Variants in IL15RA observed in about 807,000 individuals in gnomAD.
The protein encoded by IL15RA is interleukin 15 receptor subunit alpha.
In IL15RA, 26 loss-of-function variants were observed where a neutral mutation model predicts 24.2. The observed-to-expected ratio is 1.07, with a 90% CI of 0.79 to 1.49. The LOEUF (loss-of-function observed/expected upper bound fraction) is 1.49. Ranked by LOEUF, IL15RA falls within the 40% of genes most tolerant of loss-of-function variation. The pLI is 0.00. For synonymous variants in IL15RA, 166 were observed against 157.6 expected (o/e 1.05, Z -0.40); for missense variants, 354 against 356.4 (o/e 0.99, Z 0.05).
chr10:5,963,593 G>A lies in IL15RA; in HGVS notation c.382+150C>T, dbSNP rs112939742. 5.8e-5 allele frequency: 27 copies of A among 467,676 alleles called. No individual in the cohort carries two copies. In the East Asian group the frequency reaches 6.7e-4, roughly 12 times the overall value. The allele number at this position is 467,676 out of a possible 1,614,324, so 29.0% of individuals were successfully genotyped here. A position where few individuals can be genotyped will look rare whatever the true frequency, so the allele number is the denominator to read the frequency against. On this transcript the variant is annotated intron_variant, in intron 3 of 6. Transcript: ENST00000379977. This position sits in a 1 kb window ranked among gnomAD's most constrained non-coding sequence, Gnocchi z 5.3. ...TTTGAAAAAGAAAATTAAGTTGGACGTTCTTATTCTTGATTGAATAAGACG... is the reference window on the plus strand; with the variant it reads ...TTTGAAAAAGAAAATTAAGTTGGACATTCTTATTCTTGATTGAATAAGACG...
chr10:5,958,753 C>T lies in IL15RA; in HGVS notation c.616+1001G>A, dbSNP rs1834968601. Among the ~76,000 whole-genome samples the T allele has an allele frequency of 6.6e-6, 1 of 152,150 alleles. No homozygotes were observed. Among genetic ancestry groups the T allele is most frequent in the South Asian group, 2.1e-4 (1 of 4,828 alleles). ...TGTCCAAAGTCACTTGATGTTTTCC[C>T]AGATGACGTTTGATGCAGGTAAAAA... On this transcript the variant is annotated intron_variant, in intron 5 of 6. Coordinates refer to ENST00000379977, the MANE Select transcript of IL15RA (RefSeq NM_002189.4). The surrounding 1 kb of genome is among the most constrained non-coding windows in gnomAD (Gnocchi z 4.3).
intron 6 of IL15RA, 54 bp downstream of exon 6, chr10:5,956,325 C>A: frequency 6.8e-7 from 1 of 1,465,248 alleles, no homozygotes; most frequent in Non-Finnish European, 9.6e-7. Context: ...AGGTGCAGCT[C>A]TTTTCTCATG....
rs1187129395 is a variant in IL15RA, at chr10:5,963,704, A to G, written c.382+39T>C. On this transcript the variant is annotated intron_variant, in intron 3 of 6. Coordinates refer to ENST00000379977, the MANE Select transcript of IL15RA (RefSeq NM_002189.4). The surrounding 1 kb of genome is among the most constrained non-coding windows in gnomAD (Gnocchi z 5.3). ...GGTGAGCGGGCCTCTGGGTGTTGGG[A>G]GGGAATGAATGTCCTCGAGAAGTTT... 7 of 1,334,230 alleles carry G rather than the reference A, an allele frequency of 5.2e-6. No homozygotes were observed. The East Asian group carries it at 1.7e-4, about 32-fold the overall frequency. The allele number at this position is 1,334,230 out of a possible 1,614,324, so 82.6% of individuals were successfully genotyped here. A position where few individuals can be genotyped will look rare whatever the true frequency, so the allele number is the denominator to read the frequency against.
downstream of IL15RA, among the ~76,000 whole-genome samples, chr10:5,951,462 T>C (rs1589144040): frequency 6.6e-6 from 1 of 152,214 alleles, no homozygotes; most frequent in African/African-American, 2.4e-5. Flanking sequence ...CAAGGGGCAG[T>C]TGGTGGCTGG....
At chr10:5,969,724 T>C (rs1310219833) in intron 1 of IL15RA, among the ~76,000 whole-genome samples, 1 of 152,228 alleles carries the variant, frequency 6.6e-6, no homozygotes, top group Non-Finnish European at 1.5e-5. Flanking sequence ...AAATTTTGAT[T>C]GGAATTCATT....
rs1837290576 is a variant in IL15RA, at chr10:5,969,796, C to A, written c.89-3457G>T. ...TAATAATATTGAGTCTTCTTAAAAA[C>A]CCATCAACACGGTATCTCTCTTGAT... is the stretch of plus-strand genomic sequence containing the variant. On this transcript the variant is annotated intron_variant, in intron 1 of 6. Coordinates refer to ENST00000379977, the MANE Select transcript of IL15RA (RefSeq NM_002189.4). 2.0e-5 allele frequency among the ~76,000 whole-genome samples: 3 copies of A among 152,196 alleles called. No homozygotes were observed. In the South Asian group the frequency reaches 6.2e-4, roughly 32 times the overall value.
At position 5,955,480 on chromosome 10, in the gene IL15RA, G is replaced by T. The variant is rs561912246; in HGVS notation, c.692+899C>A. ...TTAATAGTAACTAAAAGTTTAGTTT[G>T]GACAAATCTGATATCCGTATCAGTA... is the stretch of plus-strand genomic sequence containing the variant. On this transcript the variant is annotated intron_variant, in intron 6 of 6. Coordinates refer to ENST00000379977, the MANE Select transcript of IL15RA (RefSeq NM_002189.4). The surrounding 1 kb of genome is among the most constrained non-coding windows in gnomAD (Gnocchi z 5.3). 2.6e-5 allele frequency among the ~76,000 whole-genome samples: 4 copies of T among 152,170 alleles called. No individual in the cohort carries two copies. Among genetic ancestry groups the T allele is most frequent in the African/African-American group, 9.6e-5 (4 of 41,540 alleles).
rs1353262028 is a variant in IL15RA at position 5,962,591 on chromosome 10, C to CAA, written c.382+1150_382+1151dup. On this transcript the variant is annotated intron_variant, in intron 3 of 6. Coordinates refer to ENST00000379977, the MANE Select transcript of IL15RA (RefSeq NM_002189.4). The surrounding 1 kb of genome is among the most constrained non-coding windows in gnomAD (Gnocchi z 5.2). ...TGGGCAATAGAGCAAGACCCCATCT[C>CAA]AAAAAAAAAAAAAAAAAAGATCCAC... 0.05 allele frequency among the ~76,000 whole-genome samples: 5,483 copies of CAA among 108,864 alleles called. 138 individuals are homozygous for CAA. Among genetic ancestry groups the CAA allele is most frequent in the Middle Eastern group, 0.088 (18 of 204 alleles). The allele number at this position is 108,864 out of a possible 152,430, so 71.4% of individuals were successfully genotyped here. A position where few individuals can be genotyped will look rare whatever the true frequency, so the allele number is the denominator to read the frequency against.
chr10:5,950,437 C>T (rs1833787405), downstream of IL15RA, among the ~76,000 whole-genome samples: 1 of 152,198 alleles, frequency 6.6e-6, no homozygotes, highest in Non-Finnish European at 1.5e-5. This position sits in a 1 kb window ranked among gnomAD's most constrained non-coding sequence, Gnocchi z 5.6. Flanking sequence ...CTCTTCCCAG[C>T]ACCTGGCAGA....
At chr10:5,976,754 C>G (rs887137017) in intron 1 of IL15RA, among the ~76,000 whole-genome samples, 1 of 152,102 alleles carries the variant, frequency 6.6e-6, no homozygotes, top group African/African-American at 2.4e-5. Context: ...TCTCTTCCCC[C>G]TTTTTCTGCG....
chr10:5,961,535 C>T lies in IL15RA; in HGVS notation c.383-968G>A, dbSNP rs1315263195. 2.6e-5 allele frequency among the ~76,000 whole-genome samples: 4 copies of T among 152,256 alleles called. No individual in the cohort carries two copies. The highest frequency in any genetic ancestry group is 7.2e-5 in the African/African-American group (3 of 41,478). The stretch of plus-strand genomic sequence containing the variant: ...CAGGTGAAGCTGCGCTGGCCGAGGA[C>T]GCTCGGAGCGGCTGCGTGTGAAACA... On this transcript the variant is annotated intron_variant, in intron 3 of 6. Transcript: ENST00000379977. This position sits in a 1 kb window ranked among gnomAD's most constrained non-coding sequence, Gnocchi z 5.2.
At chr10:5,949,007 G>A (rs1055468666), downstream of IL15RA, 1 of 330,182 alleles carries the variant, frequency 3.0e-6, no homozygotes, top group East Asian at 7.5e-5. The surrounding 1 kb of genome is among the most constrained non-coding windows in gnomAD (Gnocchi z 4.4). Flanking sequence ...GCATATATAT[G>A]TAAAATGGCG....
chr10:5,950,245 C>T (rs932002694), downstream of IL15RA, among the ~76,000 whole-genome samples: 11 of 152,126 alleles, frequency 7.2e-5, no homozygotes, highest in African/African-American at 9.7e-5. This position sits in a 1 kb window ranked among gnomAD's most constrained non-coding sequence, Gnocchi z 5.6. Context: ...CAGCTGAAGA[C>T]GTGGGGACTG....
rs1017150692 is a variant in IL15RA at position 5,970,162 on chromosome 10, G to A, written c.89-3823C>T. ...CTTTGTTGGTTATTAACTATAACTC[G>A]TTGTACTAGTTTAGTGGTTGTTTTA... On this transcript the variant is annotated intron_variant, in intron 1 of 6. Transcript: ENST00000379977. The surrounding 1 kb of genome is among the most constrained non-coding windows in gnomAD (Gnocchi z 4.1). Among the ~76,000 whole-genome samples, 24 of 152,068 alleles carry A rather than the reference G, an allele frequency of 1.6e-4. No individual in the cohort carries two copies. Among genetic ancestry groups the A allele is most frequent in the African/African-American group, 2.9e-4 (12 of 41,408 alleles).
At chr10:5,969,797 C>T (rs969320372) in intron 1 of IL15RA, among the ~76,000 whole-genome samples, 1 of 152,150 alleles carries the variant, frequency 6.6e-6, no homozygotes, top group African/African-American at 2.4e-5. Context: ...TCTTAAAAAC[C>T]CATCAACACG....
rs943123779 is a variant in IL15RA at position 5,964,185 on chromosome 10, G to A, written c.284-344C>T. Among the ~76,000 whole-genome samples, 3 of 152,142 alleles carry A rather than the reference G, an allele frequency of 2.0e-5. No homozygotes were observed. On this transcript the variant is annotated intron_variant, in intron 2 of 6. Coordinates refer to ENST00000379977, the MANE Select transcript of IL15RA (RefSeq NM_002189.4). This position sits in a 1 kb window ranked among gnomAD's most constrained non-coding sequence, Gnocchi z 5.6. ...TTCTATTTTGTTTGTTTGAGACAGG[G>A]TCTTGCTCCGTTGCCCAGGTTGGAG... is the stretch of plus-strand genomic sequence containing the variant.
At position 5,974,297 on chromosome 10, in the gene IL15RA, G is replaced by T. The variant is rs572055537; in HGVS notation, c.88+3108C>A. Among the ~76,000 whole-genome samples the T allele has an allele frequency of 3.4e-4, 52 of 152,186 alleles. 1 individual carries two copies. The highest frequency in any genetic ancestry group is 1.4e-3 in the Admixed American group (21 of 15,280). Reference sequence around the variant, plus strand: ...TTACAGGTGTGAGCCACCACACCCAGCTGATACAATTCAATTTTTAAGAGA... The same window carrying T: ...TTACAGGTGTGAGCCACCACACCCATCTGATACAATTCAATTTTTAAGAGA... On this transcript the variant is annotated intron_variant, in intron 1 of 6. Coordinates refer to ENST00000379977, the MANE Select transcript of IL15RA (RefSeq NM_002189.4).
chr10:5,966,162 G>C lies in IL15RA; in HGVS notation c.266C>G (p.Pro89Arg). 1 of 1,609,004 alleles carries C rather than the reference G, an allele frequency of 6.2e-7. No individual in the cohort carries two copies. Among genetic ancestry groups the C allele is most frequent in the Non-Finnish European group, 8.5e-7 (1 of 1,175,636 alleles). Reference sequence around the variant, plus strand: ...CTACTCACTAATGCATTTGAGACTGGGGGTTGTCCAGTGGGCGACATTCGT... The same window carrying C: ...CTACTCACTAATGCATTTGAGACTGCGGGTTGTCCAGTGGGCGACATTCGT... ...KATNVAHWTT[P>R]SLKCIRDPAL... The change falls in exon 2 of 7, where the codon CCC (proline) becomes CGC (arginine). Residue 89 changes from proline to arginine, a missense_variant. Transcript: ENST00000379977. The surrounding 1 kb of genome is among the most constrained non-coding windows in gnomAD (Gnocchi z 6.4).
Position 5,975,865 on chromosome 10 carries a change from C to A in IL15RA, c.88+1540G>T, listed in dbSNP as rs1185515931. 6.6e-6 allele frequency among the ~76,000 whole-genome samples: 1 copy of A among 152,034 alleles called. No individual in the cohort carries two copies. The highest frequency in any genetic ancestry group is 1.5e-5 in the Non-Finnish European group (1 of 68,000). On this transcript the variant is annotated intron_variant, in intron 1 of 6. Transcript: ENST00000379977. This position sits in a 1 kb window ranked among gnomAD's most constrained non-coding sequence, Gnocchi z 4.8. ...CTGAGATCGCGCTACTGCACCCCAG[C>A]CGGGGTGACAGAGTGAGACTCCGTC...
Sources: allele counts gnomAD v4.1 joint callset (sites outside exome capture counted in the v4.1 genomes callset), GRCh38; gene constraint gnomAD v4.1.1; non-coding constraint Gnocchi (gnomAD v3.1); transcripts MANE v1.5; gene names NCBI Gene and HGNC (gene_info 2026-07-23, HGNC 2026-07-21).